COPS2: variants seen among roughly 807,000 people sequenced by gnomAD.
COPS2 encodes COP9 signalosome subunit 2.
In COPS2, 10 loss-of-function variants were observed where a neutral mutation model predicts 66.1. The observed-to-expected ratio is 0.15, with a 90% confidence interval of 0.09 to 0.26. The LOEUF is 0.26. COPS2 is among the 10% of genes least tolerant of loss of function. The pLI is 1.00. For synonymous variants in COPS2, 179 were observed against 171.3 expected, an observed-to-expected ratio of 1.04 and a Z score of -0.35; for missense variants, 215 against 513.3, an observed-to-expected ratio of 0.42 and a Z score of 5.62.
chr15:49,139,502 C>A lies in COPS2; in HGVS notation c.372+26G>T. On this transcript the variant is annotated intron_variant, in intron 4 of 12. Transcript: ENST00000388901. ...TATAAATAATAAACACACTGATCGT[C>A]CCAAGAGGGGAAAATTGAGTCTAAC... The A allele has an allele frequency of 1.9e-6, 3 of 1,566,920 alleles. No homozygotes were observed. The East Asian group carries it at 6.7e-5, about 35-fold the overall frequency.
chr15:49,133,333 G>C (rs1441075416), intron 9 of COPS2, among the ~76,000 whole-genome samples: 1 of 152,146 alleles, frequency 6.6e-6, no homozygotes, highest in East Asian at 1.9e-4. Flanking sequence ...TTGTCATTGA[G>C]AAAATATATG....
chr15:49,130,635 T>G, intron 10 of COPS2, 84 bp downstream of exon 10: 1 of 757,374 alleles, frequency 1.3e-6, no homozygotes, highest in South Asian at 1.8e-5. Flanking sequence ...AGAAAACAGC[T>G]TAATGCCATG....
rs938469508 is a variant in COPS2 at position 49,125,589 on chromosome 15, A to G, written c.*2361T>C. On this transcript the variant is annotated 3_prime_UTR_variant, in exon 13 of 13. Transcript: ENST00000388901. ...GCAATCTCTAAGATTTCAACTCTAC[A>G]ATATTTGATGCACAAAAACACAGAA... The G allele has an allele frequency of 1.3e-5, 2 of 152,132 alleles. No individual in the cohort carries two copies. The highest frequency in any genetic ancestry group is 1.3e-4 in the Admixed American group (2 of 15,280). The allele number at this position is 152,132 out of a possible 1,614,324, so 9.4% of individuals were successfully genotyped here.
intron 9 of COPS2, 69 bp from the exon 10 acceptor site, chr15:49,130,885 A>G: frequency 6.6e-6 from 5 of 757,898 alleles, no homozygotes; most frequent in Non-Finnish European, 1.1e-5. Context: ...GATAATCCAA[A>G]GACCCTGCTT....
In COPS2 at chr15:49,134,116, G is replaced by A; in HGVS notation, c.716-8C>T. The A allele has an allele frequency of 1.3e-6, 2 of 1,598,996 alleles. No homozygotes were observed. Among genetic ancestry groups the A allele is most frequent in the Non-Finnish European group, 1.7e-6 (2 of 1,173,730 alleles). On this transcript the variant is annotated splice_region_variant and splice_polypyrimidine_tract_variant and intron_variant, in intron 7 of 12. Coordinates refer to ENST00000388901, the MANE Select transcript of COPS2 (RefSeq NM_004236.4). ...GCATTTTACCACCACATTCTGTGAA[G>A]AATAAGACATGAGAAAATAGGACAT...
At chr15:49,153,478 C>A (rs1025358441) in intron 1 of COPS2, among the ~76,000 whole-genome samples, 23 of 152,102 alleles carry the variant, frequency 1.5e-4, no homozygotes, top group Non-Finnish European at 3.4e-4. Flanking sequence ...TTAGTATAGC[C>A]ATTATGGAGA....
At chr15:49,140,269 AC>A (rs1464891740) in intron 3 of COPS2, among the ~76,000 whole-genome samples, 1 of 151,958 alleles carries the variant, frequency 6.6e-6, no homozygotes, top group East Asian at 1.9e-4. Context: ...TGCTGGAATT[AC>A]AGGTGTGAGC....
At chr15:49,150,061 G>A (rs1280509439) in intron 1 of COPS2, among the ~76,000 whole-genome samples, 1 of 151,986 alleles carries the variant, frequency 6.6e-6, no homozygotes, top group Non-Finnish European at 1.5e-5. Flanking sequence ...TTGGGAGGCG[G>A]AGGCAGGTGG....
At chr15:49,140,556 T>C (rs2084283739) in intron 3 of COPS2, among the ~76,000 whole-genome samples, 1 of 152,180 alleles carries the variant, frequency 6.6e-6, no homozygotes, top group Non-Finnish European at 1.5e-5. Flanking sequence ...TTCCTTGTAT[T>C]TGTACTATTG....
In COPS2 at chr15:49,122,961, G is replaced by C. The variant is rs1225313411; in HGVS notation, c.*4989C>G. On this transcript the variant is annotated 3_prime_UTR_variant, in exon 13 of 13. Transcript: ENST00000388901. ...AAGGAATTTGATACCTTTTATATTA[G>C]CTTATCATAAACAAAATGGAGAAAA... 1 of 152,086 alleles carries C rather than the reference G, an allele frequency of 6.6e-6. No homozygotes were observed. Among genetic ancestry groups the C allele is most frequent in the African/African-American group, 2.4e-5 (1 of 41,402 alleles). 9.4% of individuals were successfully genotyped at this position (152,086 alleles called of 1,614,324 possible). A position where few individuals can be genotyped will look rare whatever the true frequency, so the allele number is the denominator to read the frequency against.
chr15:49,137,195 A>G lies in COPS2; in HGVS notation c.495T>C (p.Tyr165=), dbSNP rs148777466. 61 of 1,605,426 alleles carry G rather than the reference A, an allele frequency of 3.8e-5. No individual in the cohort carries two copies. In the African/African-American group the frequency reaches 7.3e-4, roughly 19 times the overall value. The change falls in exon 6 of 13, where the codon TAT becomes TAC. Residue 165 remains tyrosine, a synonymous_variant. Transcript: ENST00000388901. ...LGKLYLEREE[Y]GKLQKILRQL... is the part of the protein sequence containing the mutation. ...GGCGTAAAATTTTTTGAAGCTTTCC[A>G]TATTCCTCTCGTTCTAAATATAATT...
At chr15:49,134,238 A>T in intron 7 of COPS2, 102 bp downstream of exon 7, 1 of 1,400,514 alleles carries the variant, frequency 7.1e-7, no homozygotes, top group Admixed American at 2.2e-5. Flanking sequence ...CTTGAATACT[A>T]CTGGCCCCAA....
At chr15:49,131,542 A>G (rs1364713051) in intron 9 of COPS2, among the ~76,000 whole-genome samples, 1 of 151,906 alleles carries the variant, frequency 6.6e-6, no homozygotes, top group African/African-American at 2.4e-5. Flanking sequence ...CATTATCATC[A>G]GCTATACTGC....
At chr15:49,154,808 T>A (rs1202880407) in intron 1 of COPS2, among the ~76,000 whole-genome samples, 1 of 152,212 alleles carries the variant, frequency 6.6e-6, no homozygotes, top group African/African-American at 2.4e-5. Context: ...AAACTTTGTA[T>A]ACTGGGAAAT....
chr15:49,143,323 T>C (rs1595824168), intron 3 of COPS2, among the ~76,000 whole-genome samples: 1 of 152,162 alleles, frequency 6.6e-6, no homozygotes, highest in South Asian at 2.1e-4. Flanking sequence ...CTAGAAGATA[T>C]GGAGCAAAAG....
chr15:49,136,859 T>C lies in COPS2; in HGVS notation c.540+291A>G, dbSNP rs113467766. 0.031 allele frequency among the ~76,000 whole-genome samples: 4,729 copies of C among 152,070 alleles called. 147 individuals are homozygous for C. Among genetic ancestry groups the C allele is most frequent in the African/African-American group, 0.071 (2,953 of 41,478 alleles). ...AAAAAATTAGCTGGGCATGGTGGTGTGCACTTGTAGTCCCAGCTACTTAGG... is the reference window on the plus strand; with the variant it reads ...AAAAAATTAGCTGGGCATGGTGGTGCGCACTTGTAGTCCCAGCTACTTAGG... On this transcript the variant is annotated intron_variant, in intron 6 of 12. Coordinates refer to ENST00000388901, the MANE Select transcript of COPS2 (RefSeq NM_004236.4).
rs764643127 is a variant in COPS2 at position 49,139,512 on chromosome 15, G to A, written c.372+16C>T. On this transcript the variant is annotated intron_variant, in intron 4 of 12. Coordinates refer to ENST00000388901, the MANE Select transcript of COPS2 (RefSeq NM_004236.4). ...AAACACACTGATCGTCCCAAGAGGG[G>A]AAAATTGAGTCTAACCTGTTTAGAA... 1.3e-6 allele frequency: 2 copies of A among 1,578,362 alleles called. No individual in the cohort carries two copies. The highest frequency in any genetic ancestry group is 1.7e-5 in the Admixed American group (1 of 57,818).
chr15:49,133,446 T>C (rs2084229264), intron 9 of COPS2, among the ~76,000 whole-genome samples: 1 of 152,244 alleles, frequency 6.6e-6, no homozygotes, highest in African/African-American at 2.4e-5. Flanking sequence ...ATAGGCAGTA[T>C]CATTGTGAAA....
Position 49,133,775 on chromosome 15 carries a change from T to C in COPS2, c.931A>G (p.Met311Val), listed in dbSNP as rs750242581. The C allele has an allele frequency of 4.4e-6, 7 of 1,602,406 alleles. No homozygotes were observed. The highest frequency in any genetic ancestry group is 1.1e-5 in the South Asian group (1 of 88,122). ...AAATCTTACCTTACTAAATTCGTCA[T>C]TGCTAAAATTTCTGGATCATTTTTG... Reference protein sequence around the residue: ...PYKNDPEILAMTNLVSAYQNN... With the variant: ...PYKNDPEILAVTNLVSAYQNN... Residue 311 changes from methionine to valine, a missense_variant, in exon 9 of 13, where the codon ATG (methionine) becomes GTG (valine). Met to Val is a conservative substitution (Grantham distance 21, BLOSUM62 1). Transcript: ENST00000388901.
Sources: allele counts gnomAD v4.1 joint callset (sites outside exome capture counted in the v4.1 genomes callset), GRCh38; gene constraint gnomAD v4.1.1; transcripts MANE v1.5; gene names NCBI Gene and HGNC (gene_info 2026-07-23, HGNC 2026-07-21).